The following SNTG1 variants were observed in gnomAD, a reference collection of about 807,000 sequenced individuals.
SNTG1 encodes gamma-1-syntrophin.
Under a neutral mutation model 74.7 loss-of-function variants are expected in SNTG1, and 39 were observed. The observed-to-expected ratio is 0.52, with a 90% CI of 0.40 to 0.68. SNTG1 has a LOEUF of 0.68. Among genes scored for constraint, SNTG1 ranks in the 30% least tolerant of loss-of-function variants. SNTG1 has a pLI of 0.00. For missense variants in SNTG1, 685 were observed against 609.5 expected (o/e 1.12, Z -1.30); for synonymous variants, 254 against 217.1 (o/e 1.17, Z -1.49).
intron 13 of SNTG1, among the ~76,000 whole-genome samples, chr8:50,639,717 C>G (rs1563680448): frequency 1.3e-5 from 2 of 152,114 alleles, no homozygotes; most frequent in East Asian, 3.9e-4. Context: ...CAAGTAAACT[C>G]TCAGCCTCAG....
intron 1 of SNTG1, among the ~76,000 whole-genome samples, chr8:49,986,938 G>T (rs565158231): frequency 2.4e-4 from 36 of 152,084 alleles, no homozygotes; most frequent in Non-Finnish European, 4.9e-4. Context: ...GAGAAGAAAA[G>T]TCTTCTGTAA....
intron 2 of SNTG1, among the ~76,000 whole-genome samples, chr8:50,390,498 A>G (rs562215522): frequency 3.3e-5 from 5 of 152,336 alleles, no homozygotes; most frequent in African/African-American, 1.2e-4. Flanking sequence ...GAAGTCAGGT[A>G]GCTTGATGCC....
chr8:49,930,508 T>G (rs906399374), intron 1 of SNTG1, among the ~76,000 whole-genome samples: 3 of 149,704 alleles, frequency 2.0e-5, no homozygotes, highest in African/African-American at 7.3e-5. Flanking sequence ...AATATATATG[T>G]GTGTATATAT....
At chr8:50,372,831 G>A (rs1412538173) in intron 2 of SNTG1, among the ~76,000 whole-genome samples, 1 of 152,010 alleles carries the variant, frequency 6.6e-6, no homozygotes, top group Middle Eastern at 3.2e-3. Context: ...ACTGCATGCC[G>A]GGTTGAATTT....
intron 17 of SNTG1, among the ~76,000 whole-genome samples, chr8:50,711,536 A>T (rs1266531631): frequency 6.6e-6 from 1 of 152,310 alleles, no homozygotes; most frequent in East Asian, 1.9e-4. Flanking sequence ...CAGTGAAGGA[A>T]AGAATTGCTG....
chr8:50,682,246 T>C (rs2095334146), intron 15 of SNTG1, among the ~76,000 whole-genome samples: 2 of 152,140 alleles, frequency 1.3e-5, no homozygotes, highest in Non-Finnish European at 2.9e-5. Context: ...CATTCCCCTA[T>C]TGGCTAGGGT....
At chr8:50,028,014 TTG>T (rs374525241) in intron 1 of SNTG1, among the ~76,000 whole-genome samples, 1 of 152,172 alleles carries the variant, frequency 6.6e-6, no homozygotes. Flanking sequence ...CATTGTTACA[TTG>T]TGTGTGTGTA....
Position 49,932,985 on chromosome 8 carries a change from T to C in SNTG1, c.-103+20754T>C, listed in dbSNP as rs542365778. On this transcript the variant is annotated intron_variant, in intron 1 of 18. Coordinates refer to ENST00000642720, the MANE Select transcript of SNTG1 (RefSeq NM_018967.5). ...TTCATAGATGTATAATATTCCATTGTATGATTTTTTTACCACGTTGTATTT... is the reference window on the plus strand; with the variant it reads ...TTCATAGATGTATAATATTCCATTGCATGATTTTTTTACCACGTTGTATTT... Among the ~76,000 whole-genome samples, 25 of 39,230 alleles carry C rather than the reference T, an allele frequency of 6.4e-4. No homozygotes were observed. In the East Asian group the frequency reaches 0.068, roughly 107 times the overall value. 25.7% of individuals were successfully genotyped at this position (39,230 alleles called of 152,430 possible). A position where few individuals can be genotyped will look rare whatever the true frequency, so the allele number is the denominator to read the frequency against.
At chr8:50,643,342 T>C (rs1389380529) in intron 13 of SNTG1, among the ~76,000 whole-genome samples, 1 of 152,214 alleles carries the variant, frequency 6.6e-6, no homozygotes, top group Non-Finnish European at 1.5e-5. Flanking sequence ...AAAGAAGCTT[T>C]TATAGCCAGC....
intron 2 of SNTG1, among the ~76,000 whole-genome samples, chr8:50,214,287 T>G (rs1170002469): frequency 6.8e-6 from 1 of 146,758 alleles, no homozygotes; most frequent in Non-Finnish European, 1.5e-5. Context: ...AGGGATAACA[T>G]TAGGAGATAT....
intron 2 of SNTG1, among the ~76,000 whole-genome samples, chr8:50,249,557 C>A (rs1328522208): frequency 6.6e-6 from 1 of 152,208 alleles, no homozygotes; most frequent in Non-Finnish European, 1.5e-5. Flanking sequence ...ACAGACCAGG[C>A]AGTGACCCTG....
chr8:50,218,818 A>AGAG (rs2084918239), intron 2 of SNTG1, among the ~76,000 whole-genome samples: 2 of 152,352 alleles, frequency 1.3e-5, no homozygotes, highest in African/African-American at 4.8e-5. Flanking sequence ...CTCTTTATGT[A>AGAG]GAGTTGAGTT....
At chr8:50,473,762 T>C (rs185730713) in intron 8 of SNTG1, among the ~76,000 whole-genome samples, 1 of 152,290 alleles carries the variant, frequency 6.6e-6, no homozygotes, top group East Asian at 1.9e-4. Flanking sequence ...TTTTACATGA[T>C]ACAACATGGA....
intron 4 of SNTG1, among the ~76,000 whole-genome samples, chr8:50,430,522 C>G (rs1244782409): frequency 6.6e-6 from 1 of 152,074 alleles, no homozygotes; most frequent in Non-Finnish European, 1.5e-5. Context: ...GATTGTTAAC[C>G]TGTATGTACT....
At chr8:50,412,952 A>G (rs1237846968) in intron 4 of SNTG1, among the ~76,000 whole-genome samples, 3 of 152,174 alleles carry the variant, frequency 2.0e-5, no homozygotes, top group East Asian at 1.9e-4. Flanking sequence ...GCGGTGTACA[A>G]TGGAAGTTGA....
At chr8:50,013,632 A>G (rs1948001) in intron 1 of SNTG1, among the ~76,000 whole-genome samples, 15,277 of 152,042 alleles carry the variant, frequency 0.1, 2,012 homozygotes, top group African/African-American at 0.3. Context: ...ACACATAATA[A>G]TTTTACATAT....
chr8:50,064,147 A>G (rs368254312), intron 1 of SNTG1, among the ~76,000 whole-genome samples: 1 of 152,220 alleles, frequency 6.6e-6, no homozygotes, highest in African/African-American at 2.4e-5. Flanking sequence ...CTTGGCACCA[A>G]TTAAGAACTC....
intron 1 of SNTG1, among the ~76,000 whole-genome samples, chr8:50,145,128 G>A (rs951551733): frequency 6.6e-6 from 1 of 152,160 alleles, no homozygotes; most frequent in African/African-American, 2.4e-5. Flanking sequence ...AGGATGCCAG[G>A]AGTGACAGTG....
chr8:50,047,729 C>A (rs1461093031), intron 1 of SNTG1, among the ~76,000 whole-genome samples: 1 of 152,044 alleles, frequency 6.6e-6, no homozygotes, highest in Non-Finnish European at 1.5e-5. Flanking sequence ...GAAAGCTTAT[C>A]CTGTGTTTCT....
Sources: allele counts gnomAD v4.1 joint callset (sites outside exome capture counted in the v4.1 genomes callset), GRCh38; gene constraint gnomAD v4.1.1; transcripts MANE v1.5; gene names NCBI Gene and HGNC (gene_info 2026-07-23, HGNC 2026-07-21).